Variants in BEND3 observed in about 807,000 individuals in gnomAD.
BEND3 encodes BEN domain-containing protein 3.
BEND3 carries 13 observed loss-of-function variants against 60.1 expected under a neutral mutation model. The ratio of observed to expected loss-of-function variants is 0.22; its 90% CI spans 0.14 to 0.34. BEND3 has a LOEUF of 0.34. Ranked by LOEUF, BEND3 falls within the 10% of genes least tolerant of loss-of-function variation. BEND3 has a pLI of 1.00. For synonymous variants in BEND3, 497 were observed against 491.5 expected, an observed-to-expected ratio of 1.01 and a Z score of -0.15; for missense variants, 896 against 1,138.1, an observed-to-expected ratio of 0.79 and a Z score of 3.06.
rs543772595 is a variant in BEND3, at chr6:107,110,711, T to C, written c.-12+4379A>G. On this transcript the variant is annotated intron_variant, in intron 1 of 3. Coordinates refer to ENST00000369042, the MANE Select transcript of BEND3 (RefSeq NM_001367314.1). ...GAGTAGCTGGGATTACCCACCACCA[T>C]ACCTGGCTAATTTTTGTATTTTTAG... 6.6e-5 allele frequency among the ~76,000 whole-genome samples: 10 copies of C among 152,104 alleles called. No homozygotes were observed. In the South Asian group the frequency reaches 1.9e-3, roughly 28 times the overall value.
At chr6:107,107,473 A>AT (rs1243581917) in intron 1 of BEND3, among the ~76,000 whole-genome samples, 2 of 134,712 alleles carry the variant, frequency 1.5e-5, no homozygotes, top group African/African-American at 2.7e-5. Flanking sequence ...TTATTTTTTT[A>AT]TTTTTTTGAG....
At chr6:107,114,390 CGGCCGGGA>C (rs1770211687) in intron 1 of BEND3, 1 of 152,058 alleles carries the variant, frequency 6.6e-6, no homozygotes, top group African/African-American at 2.4e-5. Context: ...CGCCGTGGAA[CGGCCGGGA>C]AGGGAGCGCT....
chr6:107,065,341 A>G lies in BEND3; in HGVS notation c.*3363T>C, dbSNP rs1774804457. The stretch of plus-strand genomic sequence containing the variant: ...CTCCAATCTATGGTAAAATGCAGAC[A>G]TGATGCGAGATTTCATTATCTTTGG... On this transcript the variant is annotated 3_prime_UTR_variant, in exon 4 of 4. Coordinates refer to ENST00000369042, the MANE Select transcript of BEND3 (RefSeq NM_001367314.1). 6.6e-6 allele frequency: 1 copy of G among 152,656 alleles called. No homozygotes were observed. Among genetic ancestry groups the G allele is most frequent in the Non-Finnish European group, 1.5e-5 (1 of 68,044 alleles). 9.5% of individuals were successfully genotyped at this position (152,656 alleles called of 1,614,324 possible).
intron 3 of BEND3, among the ~76,000 whole-genome samples, chr6:107,089,044 G>C (rs1554234753): frequency 6.6e-6 from 1 of 152,044 alleles, no homozygotes; most frequent in African/African-American, 2.4e-5. Context: ...TACTTGGGAG[G>C]CTGAGGCAGG....
rs1554231691 is a variant in BEND3 at position 107,070,092 on chromosome 6, G to A, written c.1099C>T (p.His367Tyr). 1.9e-6 allele frequency: 3 copies of A among 1,613,498 alleles called. No individual in the cohort carries two copies. Among genetic ancestry groups the A allele is most frequent in the Non-Finnish European group, 2.5e-6 (3 of 1,180,036 alleles). Residue 367 changes from histidine (H) to tyrosine (Y), a missense_variant, in exon 4 of 4, where the codon CAC (histidine) becomes TAC (tyrosine). His to Tyr is a moderately conservative substitution (Grantham distance 83). Around this residue, in one of 4 missense-constraint regions of BEND3, gnomAD observed 846 missense variants for 1,036.7 expected, o/e 0.82. Coordinates refer to ENST00000369042, the MANE Select transcript of BEND3 (RefSeq NM_001367314.1). This position sits in a 1 kb window ranked among gnomAD's most constrained non-coding sequence, Gnocchi z 6.9. ...TCCTGGTCTTTGTTGTCCAGGAAGT[G>A]GCCGGGGTCCACCTGCTCTGCCTCA... ...FFEAEQVDPG[H>Y]FLDNKDQEEA... is the part of the protein sequence containing the mutation.
intron 3 of BEND3, among the ~76,000 whole-genome samples, chr6:107,093,551 T>C (rs987224063): frequency 1.3e-5 from 2 of 151,856 alleles, no homozygotes; most frequent in East Asian, 1.9e-4. Flanking sequence ...GACAGGGTGG[T>C]ACTGGGGCAA....
intron 1 of BEND3, among the ~76,000 whole-genome samples, chr6:107,104,762 G>C (rs1233259808): frequency 6.6e-6 from 1 of 151,380 alleles, no homozygotes; most frequent in Non-Finnish European, 1.5e-5. Flanking sequence ...TTAACCTCCT[G>C]GACTCAAGCC....
At chr6:107,095,916 T>C (rs1426839900) in intron 3 of BEND3, among the ~76,000 whole-genome samples, 1 of 152,190 alleles carries the variant, frequency 6.6e-6, no homozygotes, top group Non-Finnish European at 1.5e-5. Context: ...AGATAGAGCA[T>C]AACAGATTTT....
In BEND3 at chr6:107,089,600, A is replaced by C. The variant is rs142880517; in HGVS notation, c.240+8951T>G. 3.6e-4 allele frequency among the ~76,000 whole-genome samples: 45 copies of C among 126,722 alleles called. No homozygotes were observed. The East Asian group carries it at 4.4e-3, about 12-fold the overall frequency. 83.1% of individuals were successfully genotyped at this position (126,722 alleles called of 152,430 possible). A position where few individuals can be genotyped will look rare whatever the true frequency, so the allele number is the denominator to read the frequency against. ...GACTCTGTCTCGAAAAAAAAAAAGG[A>C]TTTTTTTTTTTCGAGACAGAGTCTC... On this transcript the variant is annotated intron_variant, in intron 3 of 3. Transcript: ENST00000369042.
In BEND3 at chr6:107,068,557, C is replaced by A. The variant is rs984846079; in HGVS notation, c.*147G>T. ...TTTCTTGCGGTTGGGTGGGTGTTTA[C>A]GTGTGCAAATGTAGTAAGCCACTCC... On this transcript the variant is annotated 3_prime_UTR_variant, in exon 4 of 4. Transcript: ENST00000369042. The surrounding 1 kb of genome is among the most constrained non-coding windows in gnomAD (Gnocchi z 5.8). 2.4e-6 allele frequency: 2 copies of A among 845,814 alleles called. No homozygotes were observed. The highest frequency in any genetic ancestry group is 3.6e-6 in the Non-Finnish European group (2 of 559,914). The allele number at this position is 845,814 out of a possible 1,614,324, so 52.4% of individuals were successfully genotyped here.
intron 3 of BEND3, among the ~76,000 whole-genome samples, chr6:107,088,882 C>T (rs1254981473): frequency 6.7e-6 from 1 of 149,478 alleles, no homozygotes; most frequent in African/African-American, 2.5e-5. Flanking sequence ...CGGCCAGGCG[C>T]GGTGGCTCAC....
At chr6:107,108,753 G>A (rs1361483941) in intron 1 of BEND3, among the ~76,000 whole-genome samples, 1 of 152,162 alleles carries the variant, frequency 6.6e-6, no homozygotes, top group Non-Finnish European at 1.5e-5. Flanking sequence ...AGAAATAACT[G>A]AAAATCAGAC....
chr6:107,112,644 G>A (rs373853505), intron 1 of BEND3, among the ~76,000 whole-genome samples: 2 of 151,960 alleles, frequency 1.3e-5, no homozygotes, highest in Non-Finnish European at 2.9e-5. Flanking sequence ...ACCTGAGGTC[G>A]GGAGTTCGAG....
chr6:107,099,412 C>T, intron 1 of BEND3, 116 bp from the exon 2 acceptor site: 2 of 832,056 alleles, frequency 2.4e-6, no homozygotes, highest in Non-Finnish European at 3.9e-6. Flanking sequence ...AACAGAGCAG[C>T]ACAGCACTGT....
At chr6:107,085,310 AAG>A (rs1262640990) in intron 3 of BEND3, among the ~76,000 whole-genome samples, 1 of 152,190 alleles carries the variant, frequency 6.6e-6, no homozygotes, top group Non-Finnish European at 1.5e-5. Flanking sequence ...CAGTGAGACT[AAG>A]AATCCACCAG....
chr6:107,103,809 A>G (rs1554236997), intron 1 of BEND3, among the ~76,000 whole-genome samples: 3 of 152,002 alleles, frequency 2.0e-5, no homozygotes, highest in African/African-American at 7.2e-5. Flanking sequence ...TTAGCTGGGC[A>G]TGGTGGCGCG....
At chr6:107,084,493 C>A (rs1372136454) in intron 3 of BEND3, among the ~76,000 whole-genome samples, 1 of 151,934 alleles carries the variant, frequency 6.6e-6, no homozygotes, top group South Asian at 2.1e-4. Context: ...CCAATCAGCA[C>A]TCTGTAAAAA....
chr6:107,106,027 A>G (rs1775806298), intron 1 of BEND3: 2 of 152,276 alleles, frequency 1.3e-5, no homozygotes, highest in Non-Finnish European at 2.9e-5. Context: ...TCAGTCATTA[A>G]CAAAACAAAC....
chr6:107,070,104 C>T lies in BEND3; in HGVS notation c.1087G>A (p.Val363Met). ...TTGTCCAGGAAGTGGCCGGGGTCCA[C>T]CTGCTCTGCCTCAAAGAAGCTGGCG... ...QVASFFEAEQ[V>M]DPGHFLDNKD... The change falls in exon 4 of 4, where the codon GTG (valine) becomes ATG (methionine). Residue 363 changes from valine (V) to methionine (M), a missense_variant. Coordinates refer to ENST00000369042, the MANE Select transcript of BEND3 (RefSeq NM_001367314.1). This position sits in a 1 kb window ranked among gnomAD's most constrained non-coding sequence, Gnocchi z 6.9. 3.1e-6 allele frequency: 5 copies of T among 1,613,418 alleles called. No individual in the cohort carries two copies. The South Asian group carries it at 5.5e-5, about 18-fold the overall frequency.
Sources: gnomAD v4.1 joint callset for allele counts (sites outside exome capture counted in the v4.1 genomes callset) on GRCh38, gnomAD v4.1.1 for gene constraint, gnomAD v4.1.1 regional missense constraint, Gnocchi (gnomAD v3.1) non-coding constraint, MANE v1.5 for transcripts, NCBI Gene and HGNC (gene_info 2026-07-23, HGNC 2026-07-21) for gene names.